TNRC6C: variants seen among roughly 807,000 people sequenced by gnomAD.
TNRC6C encodes trinucleotide repeat-containing gene 6C protein.
In TNRC6C, 20 loss-of-function variants were observed where a neutral mutation model predicts 153.7. That is an observed-to-expected ratio of 0.13 (90% CI 0.09 to 0.19). The LOEUF is 0.19. TNRC6C is among the 10% of genes least tolerant of loss of function. The pLI, the probability that TNRC6C is intolerant of heterozygous loss-of-function variation, is 1.00. For synonymous variants in TNRC6C, 811 were observed against 841.4 expected, an observed-to-expected ratio of 0.96 and a Z score of 0.63; for missense variants, 1,987 against 2,172.0, an observed-to-expected ratio of 0.91 and a Z score of 1.69.
intron 16 of TNRC6C, among the ~76,000 whole-genome samples, 163 bp from the exon 20 acceptor site, chr17:78,098,180 A>G (rs1407636321): frequency 6.6e-6 from 1 of 152,216 alleles, no homozygotes; most frequent in Non-Finnish European, 1.5e-5. Context: ...CACTTCTGGG[A>G]ATTTGTGGTT....
intron 5 of TNRC6C, among the ~76,000 whole-genome samples, chr17:78,068,543 C>T (rs563371938): frequency 4.6e-5 from 7 of 152,204 alleles, no homozygotes; most frequent in African/African-American, 1.4e-4. Flanking sequence ...CCTGTAATCC[C>T]GGCACTTTGG....
intron 17 of TNRC6C, among the ~76,000 whole-genome samples, chr17:78,099,364 A>G (rs56922305): frequency 0.063 from 9,543 of 152,298 alleles, 409 homozygotes; most frequent in East Asian, 0.16. Flanking sequence ...GCTGATGAAG[A>G]CATACCCGAG....
intron 1 of TNRC6C, among the ~76,000 whole-genome samples, chr17:78,023,772 C>T (rs1017166017): frequency 6.6e-6 from 1 of 151,264 alleles, no homozygotes; most frequent in Non-Finnish European, 1.5e-5. Flanking sequence ...TGCCACTACA[C>T]TTCAGCTTGG....
chr17:78,055,409 G>A (rs2072634334), intron 3 of TNRC6C, among the ~76,000 whole-genome samples: 4 of 152,196 alleles, frequency 2.6e-5, no homozygotes, highest in African/African-American at 4.8e-5. Flanking sequence ...CATCAGTTGT[G>A]TGTGCTAGAC....
In TNRC6C at chr17:77,973,801, G is replaced by A. The variant is rs542664709; in HGVS notation, c.-38+14533G>A. ...CAAAAGAAGTGAAGATGTTTACACC[G>A]AAACTGCAAAAACATTGCTGAGAGA... is the stretch of plus-strand genomic sequence containing the variant. On this transcript the variant is annotated intron_variant, in intron 1 of 22. Transcript: ENST00000636222. 5.3e-5 allele frequency among the ~76,000 whole-genome samples: 8 copies of A among 152,216 alleles called. No homozygotes were observed. In the East Asian group the frequency reaches 9.6e-4, roughly 18 times the overall value.
chr17:78,051,313 G>C (rs992250479), exon 3 of TNRC6C: 1 of 1,551,568 alleles, frequency 6.4e-7, no homozygotes, highest in Middle Eastern at 1.7e-4. Context: ...AAACAACCCG[G>C]TCATCCAGAG....
rs956941756 is a variant in TNRC6C, at chr17:78,049,424, G to A, written c.362G>A (p.Gly121Asp). ...GGACATGAAGGAACCGTGGCGACAG[G>A]CAACCCTTCCAGTATTTGCAGTCCA... Residue 121 changes from glycine (G) to aspartate (D), a missense_variant, in exon 3 of 20, where the codon GGC becomes GAC. Gly to Asp is a moderately conservative substitution (Grantham distance 94, BLOSUM62 -1). Around this residue, in one of 4 missense-constraint regions of TNRC6C, gnomAD observed 1,052 missense variants for 1,017.0 expected, o/e 1.03. Coordinates refer to ENST00000301624, the Ensembl canonical transcript of TNRC6C. This position sits in a 1 kb window ranked among gnomAD's most constrained non-coding sequence, Gnocchi z 4.1. The A allele has an allele frequency of 1.9e-6, 3 of 1,613,986 alleles. No homozygotes were observed. The highest frequency in any genetic ancestry group is 2.7e-5 in the African/African-American group (2 of 75,052).
chr17:78,025,595 G>A (rs978991056), intron 1 of TNRC6C, among the ~76,000 whole-genome samples: 4 of 152,076 alleles, frequency 2.6e-5, no homozygotes, highest in Non-Finnish European at 5.9e-5. Flanking sequence ...ACTCATTTGG[G>A]TAAATACCTA....
At chr17:78,108,417 G>C (rs916520944) in exon 20 of TNRC6C, 1 of 154,904 alleles carries the variant, frequency 6.5e-6, no homozygotes, top group African/African-American at 2.4e-5. Context: ...ACCTGGAAGC[G>C]GCAACCCTCA....
At chr17:78,091,375 A>G in intron 13 of TNRC6C, 65 bp from the exon 16 acceptor site, 3 of 1,441,694 alleles carry the variant, frequency 2.1e-6, no homozygotes, top group Non-Finnish European at 2.8e-6. Flanking sequence ...TAGCTTCTAT[A>G]GGAGAGCTTT....
chr17:78,035,255 G>T (rs369705697), intron 2 of TNRC6C, among the ~76,000 whole-genome samples: 2 of 152,276 alleles, frequency 1.3e-5, no homozygotes, highest in African/African-American at 4.8e-5. Context: ...AAGCATGGAG[G>T]CAGTATGGCA....
intron 14 of TNRC6C, among the ~76,000 whole-genome samples, chr17:78,092,543 C>CT (rs2073411769): frequency 6.6e-6 from 1 of 152,122 alleles, no homozygotes; most frequent in Admixed American, 6.5e-5. Flanking sequence ...TGAAATTGTT[C>CT]TTCAAGGGTT....
intron 3 of TNRC6C, among the ~76,000 whole-genome samples, chr17:78,051,998 G>A (rs547299870): frequency 5.9e-5 from 9 of 152,314 alleles, no homozygotes; most frequent in East Asian, 1.9e-4. Flanking sequence ...TGGCAAAGTC[G>A]TGAGCATGTT....
intron 1 of TNRC6C, among the ~76,000 whole-genome samples, chr17:78,027,833 G>C (rs1212627091): frequency 6.6e-6 from 1 of 151,960 alleles, no homozygotes; most frequent in Non-Finnish European, 1.5e-5. Flanking sequence ...ATTAGCCTTA[G>C]ATAGGAATAA....
chr17:78,102,894 T>C, intron 18 of TNRC6C: 2 of 259,560 alleles, frequency 7.7e-6, no homozygotes, highest in South Asian at 1.2e-4. Context: ...TCCCAGCACT[T>C]TGGGAGGCCG....
chr17:77,993,578 G>C (rs1365814411), intron 1 of TNRC6C, among the ~76,000 whole-genome samples: 1 of 152,124 alleles, frequency 6.6e-6, no homozygotes, highest in Admixed American at 6.5e-5. Context: ...CAGTATACTG[G>C]TTTGTGTTTA....
chr17:78,022,630 AT>A (rs2071856851), intron 1 of TNRC6C, among the ~76,000 whole-genome samples: 1 of 152,122 alleles, frequency 6.6e-6, no homozygotes, highest in Admixed American at 6.5e-5. Flanking sequence ...GGACTGGATG[AT>A]TTCTAAGGTT....
chr17:78,031,685 C>T (rs2072077575), exon 2 of TNRC6C: 6 of 1,232,346 alleles, frequency 4.9e-6, no homozygotes, highest in Non-Finnish European at 5.1e-6. Context: ...CACGCTTCCG[C>T]CAGCAAGAAC....
intron 16 of TNRC6C, 71 bp downstream of exon 18, chr17:78,093,834 C>T: frequency 6.3e-7 from 1 of 1,581,094 alleles, no homozygotes; most frequent in Non-Finnish European, 8.6e-7. Flanking sequence ...TCAGGGGTGA[C>T]AGGTTGGGCT....
Sources: gnomAD v4.1 joint callset for allele counts (sites outside exome capture counted in the v4.1 genomes callset) on GRCh38, gnomAD v4.1.1 for gene constraint, gnomAD v4.1.1 regional missense constraint, Gnocchi (gnomAD v3.1) non-coding constraint, MANE v1.5 for transcripts, NCBI Gene and HGNC (gene_info 2026-07-23, HGNC 2026-07-21) for gene names.